The following TIAM1 variants were observed in gnomAD, a reference collection of about 807,000 sequenced individuals.
TIAM1 encodes the protein rho guanine nucleotide exchange factor TIAM1.
TIAM1 carries 65 observed loss-of-function variants against 163.5 expected under a neutral mutation model. The ratio of observed to expected loss-of-function variants is 0.40; its 90% CI spans 0.33 to 0.49. The LOEUF (loss-of-function observed/expected upper bound fraction) is 0.49. Among genes scored for constraint, TIAM1 ranks in the 20% least tolerant of loss-of-function variants. The pLI is 0.77. For synonymous variants in TIAM1, 833 were observed against 810.1 expected, an observed-to-expected ratio of 1.03 and a Z score of -0.48; for missense variants, 1,789 against 2,044.7, an observed-to-expected ratio of 0.87 and a Z score of 2.41.
rs1221682400 is a variant in TIAM1, at chr21:31,187,065, T to C, written c.2598A>G (p.Glu866=). Residue 866 remains glutamate, a synonymous_variant, in exon 14 of 28, where the codon GAA becomes GAG. Coordinates refer to ENST00000541036, the MANE Select transcript of TIAM1 (RefSeq NM_001353694.2). ...DTYGFSLSSV[E]EDGIRRLYVN... is the part of the protein sequence containing the mutation. ...CGTACAGCCTTCGAATACCATCTTC[T>C]TCCACAGAAGAAAGTGAAAACCCTG... is the stretch of plus-strand genomic sequence containing the variant. 9 of 1,613,978 alleles carry C rather than the reference T, an allele frequency of 5.6e-6. No individual in the cohort carries two copies. Among genetic ancestry groups the C allele is most frequent in the Non-Finnish European group, 7.6e-6 (9 of 1,179,994 alleles).
Position 31,556,393 on chromosome 21 carries a change from C to T in TIAM1, c.-422+2534G>A, listed in dbSNP as rs369751531. On this transcript the variant is annotated intron_variant, in intron 1 of 28. Coordinates refer to the TIAM1 transcript ENST00000286827. Reference sequence around the variant, plus strand: ...AGCGCAATCCTGAGGGCTTCTCCAACCACTGGACAGCCTACAAGTCGAGTT... The same window carrying T: ...AGCGCAATCCTGAGGGCTTCTCCAATCACTGGACAGCCTACAAGTCGAGTT... Among the ~76,000 whole-genome samples, 5 of 152,138 alleles carry T rather than the reference C, an allele frequency of 3.3e-5. No homozygotes were observed. The East Asian group carries it at 5.8e-4, about 18-fold the overall frequency.
chr21:31,557,129 GAAGA>G lies in TIAM1; in HGVS notation c.-422+1794_-422+1797del, dbSNP rs2048907352. ...TCCCAGCAGAATCTTGAAGAAGAAA[GAAGA>G]AACAACTAAAACCTAATGGAAATTC... On this transcript the variant is annotated intron_variant, in intron 1 of 28. Coordinates refer to the TIAM1 transcript ENST00000286827. 2.0e-5 allele frequency among the ~76,000 whole-genome samples: 3 copies of G among 152,290 alleles called. 1 individual carries two copies. The South Asian group carries it at 6.2e-4, about 32-fold the overall frequency.
intron 2 of TIAM1, among the ~76,000 whole-genome samples, chr21:31,392,108 G>A (rs989880161): frequency 6.6e-6 from 1 of 152,148 alleles, no homozygotes; most frequent in East Asian, 1.9e-4. Flanking sequence ...AGGATGTTCG[G>A]TAGATTAGGT....
chr21:31,451,702 T>G (rs1254358506), intron 2 of TIAM1, among the ~76,000 whole-genome samples: 1 of 43,120 alleles, frequency 2.3e-5, no homozygotes, highest in Non-Finnish European at 6.6e-5. Flanking sequence ...CCAGGCTGAG[T>G]GAAAGCATGT....
At chr21:31,517,353 C>T (rs1391628614) in intron 1 of TIAM1, among the ~76,000 whole-genome samples, 2 of 152,050 alleles carry the variant, frequency 1.3e-5, no homozygotes, top group African/African-American at 2.4e-5. Context: ...AGCAACATGA[C>T]GAAACCCCGT....
At chr21:31,547,204 G>A (rs1468844237) in intron 1 of TIAM1, among the ~76,000 whole-genome samples, 1 of 152,210 alleles carries the variant, frequency 6.6e-6, no homozygotes, top group African/African-American at 2.4e-5. Context: ...AGAATGGGCA[G>A]TTAACTGGGA....
intron 2 of TIAM1, among the ~76,000 whole-genome samples, chr21:31,418,007 C>T (rs1416046637): frequency 6.6e-6 from 1 of 152,052 alleles, no homozygotes; most frequent in Non-Finnish European, 1.5e-5. Context: ...TATTTCGGGG[C>T]AATTGGAAAG....
rs142528035 is a variant in TIAM1, at chr21:31,267,978, T to A, written c.-11-995A>T. Among the ~76,000 whole-genome samples, 962 of 152,248 alleles carry A rather than the reference T, an allele frequency of 6.3e-3. 10 individuals carry two copies. The highest frequency in any genetic ancestry group is 0.022 in the African/African-American group (915 of 41,542). ...GATGACACAATTCTGTTACCCACAG[T>A]GGGAAAGAGAAAAATCTTCAAAGCT... On this transcript the variant is annotated intron_variant, in intron 3 of 27. Transcript: ENST00000541036.
intron 19 of TIAM1, 73 bp from the exon 20 acceptor site, chr21:31,147,076 G>C (rs1300740138): frequency 1.5e-6 from 2 of 1,317,026 alleles, no homozygotes; most frequent in Admixed American, 1.7e-5. Context: ...TTATGGCAGG[G>C]AGCTCACATC....
At chr21:31,461,856 G>A (rs1422649549) in intron 2 of TIAM1, among the ~76,000 whole-genome samples, 2 of 151,972 alleles carry the variant, frequency 1.3e-5, no homozygotes, top group Non-Finnish European at 2.9e-5. Flanking sequence ...TTGTAGAGAC[G>A]GGGTCTCTCC....
chr21:31,312,683 C>T (rs1415880681), intron 2 of TIAM1, among the ~76,000 whole-genome samples: 5 of 152,108 alleles, frequency 3.3e-5, no homozygotes, highest in Non-Finnish European at 7.4e-5. Context: ...CAAACTGAGG[C>T]TTGGAGAGGT....
intron 1 of TIAM1, among the ~76,000 whole-genome samples, chr21:31,544,944 C>T (rs867727471): frequency 2.2e-4 from 33 of 152,092 alleles, no homozygotes; most frequent in African/African-American, 7.7e-4. Flanking sequence ...ACCCGGGAGG[C>T]GGAGCTTGCA....
intron 16 of TIAM1, among the ~76,000 whole-genome samples, chr21:31,159,756 C>T (rs1272776930): frequency 6.6e-6 from 1 of 152,208 alleles, no homozygotes; most frequent in Non-Finnish European, 1.5e-5. Flanking sequence ...TAATAGTCGA[C>T]AGACTGAGCT....
At chr21:31,539,288 C>T (rs1424983799) in intron 1 of TIAM1, among the ~76,000 whole-genome samples, 2 of 145,424 alleles carry the variant, frequency 1.4e-5, no homozygotes, top group Non-Finnish European at 1.5e-5. Flanking sequence ...TTTTTTGAGA[C>T]AGAGTCCCGC....
At chr21:31,203,301 T>C (rs1287838467) in intron 11 of TIAM1, among the ~76,000 whole-genome samples, 15 of 152,110 alleles carry the variant, frequency 9.9e-5, no homozygotes, top group Non-Finnish European at 1.3e-4. Context: ...TTTTGTGTTT[T>C]TAGTGGAGAT....
chr21:31,243,305 T>C (rs1389165996), intron 6 of TIAM1, among the ~76,000 whole-genome samples: 2 of 146,428 alleles, frequency 1.4e-5, no homozygotes, highest in Non-Finnish European at 3.0e-5. Flanking sequence ...CAACAGCAGA[T>C]TTGAGTTGGA....
chr21:31,295,267 G>A (rs557071002), intron 2 of TIAM1, among the ~76,000 whole-genome samples: 39 of 152,160 alleles, frequency 2.6e-4, no homozygotes, highest in South Asian at 6.2e-4. Flanking sequence ...TCAGGAAATC[G>A]AGACCATCCC....
intron 1 of TIAM1, among the ~76,000 whole-genome samples, chr21:31,546,220 A>G (rs9975753): frequency 0.44 from 66,305 of 149,912 alleles, 15,849 homozygotes; most frequent in African/African-American, 0.63. Flanking sequence ...GGAATCTTCC[A>G]GAAGAATTAC....
intron 1 of TIAM1, among the ~76,000 whole-genome samples, chr21:31,530,909 T>C (rs2047948114): frequency 6.6e-6 from 1 of 152,032 alleles, no homozygotes; most frequent in African/African-American, 2.4e-5. Context: ...TGATTCCTAG[T>C]ATCAAGAACA....
Sources: allele counts gnomAD v4.1 joint callset (sites outside exome capture counted in the v4.1 genomes callset), GRCh38; gene constraint gnomAD v4.1.1; transcripts MANE v1.5; gene names NCBI Gene and HGNC (gene_info 2026-07-23, HGNC 2026-07-21).